NRP1: variants seen among roughly 807,000 people sequenced by gnomAD.
NRP1 encodes neuropilin-1.
In NRP1, 35 loss-of-function variants were observed where a neutral mutation model predicts 106.7. That is an observed-to-expected ratio of 0.33 (90% confidence interval 0.25 to 0.43). The LOEUF is 0.43. Ranked by LOEUF, NRP1 falls within the 20% of genes least tolerant of loss-of-function variation. NRP1 has a pLI of 1.00. For missense variants in NRP1, 1,024 were observed against 1,170.4 expected (o/e 0.87, Z 1.83); for synonymous variants, 437 against 417.9 (o/e 1.05, Z -0.56).
chr10:33,323,171 C>T (rs767484404), intron 2 of NRP1, among the ~76,000 whole-genome samples: 3 of 151,980 alleles, frequency 2.0e-5, no homozygotes, highest in Non-Finnish European at 4.4e-5. Flanking sequence ...AGTTCGAGAC[C>T]AGCCTGGGCA....
intron 6 of NRP1, among the ~76,000 whole-genome samples, chr10:33,250,006 A>T (rs546137944): frequency 1.1e-4 from 16 of 152,312 alleles, no homozygotes; most frequent in African/African-American, 3.6e-4. Flanking sequence ...TATTAATTTA[A>T]CACATGCAAG....
intron 2 of NRP1, among the ~76,000 whole-genome samples, chr10:33,322,945 G>A (rs549489009): frequency 3.3e-5 from 5 of 152,314 alleles, no homozygotes; most frequent in East Asian, 1.9e-4. Flanking sequence ...GATTTGTGAC[G>A]CAGCAACTAT....
intron 2 of NRP1, 101 bp from the exon 3 acceptor site, chr10:33,270,957 G>GA (rs925904573): frequency 4.4e-5 from 45 of 1,018,300 alleles, no homozygotes; most frequent in African/African-American, 3.1e-4. Context: ...GTGCCAGGAA[G>GA]AAAAAAAAGT....
At chr10:33,286,290 A>G (rs1224294436) in intron 2 of NRP1, among the ~76,000 whole-genome samples, 1 of 152,202 alleles carries the variant, frequency 6.6e-6, no homozygotes, top group East Asian at 1.9e-4. Flanking sequence ...GCATGTAAGT[A>G]TTTCACAGGC....
intron 2 of NRP1, among the ~76,000 whole-genome samples, chr10:33,314,097 A>G (rs572936884): frequency 7.7e-5 from 8 of 104,242 alleles, no homozygotes; most frequent in Non-Finnish European, 1.1e-4. Context: ...CTCTCTCTCT[A>G]TTTTCAGAGG....
chr10:33,330,409 G>GAAAGA (rs1489382058), intron 2 of NRP1, among the ~76,000 whole-genome samples: 1 of 148,800 alleles, frequency 6.7e-6, no homozygotes, highest in Non-Finnish European at 1.5e-5. Context: ...AAAAAAAAAA[G>GAAAGA]AAAGAAAAAA....
At chr10:33,213,844 G>T in intron 8 of NRP1, 127 bp from the exon 9 acceptor site, 1 of 771,150 alleles carries the variant, frequency 1.3e-6, no homozygotes, top group Non-Finnish European at 2.0e-6. Context: ...TTCAGTCTCT[G>T]GATTATTTTA....
intron 6 of NRP1, among the ~76,000 whole-genome samples, chr10:33,247,268 A>G (rs1250482005): frequency 1.3e-5 from 2 of 152,188 alleles, no homozygotes; most frequent in Non-Finnish European, 2.9e-5. Context: ...CAGAGGAAAT[A>G]TTTCCAAGGG....
chr10:33,319,065 C>T (rs1339388228), intron 2 of NRP1, among the ~76,000 whole-genome samples: 1 of 140,406 alleles, frequency 7.1e-6, no homozygotes, highest in African/African-American at 2.7e-5. Flanking sequence ...AGTGCAGTGG[C>T]ACGATATCAG....
intron 4 of NRP1, among the ~76,000 whole-genome samples, chr10:33,261,574 G>A (rs1038725489): frequency 6.6e-6 from 1 of 152,106 alleles, no homozygotes; most frequent in African/African-American, 2.4e-5. Flanking sequence ...GAGCAAAGAA[G>A]ATATTAAACT....
intron 10 of NRP1, chr10:33,206,333 C>T (rs1268819289): frequency 1.9e-6 from 1 of 518,978 alleles, no homozygotes; most frequent in Admixed American, 1.9e-5. Flanking sequence ...CATGGACATT[C>T]TTGGTCTGTG....
chr10:33,224,438 T>C (rs1839498317), intron 7 of NRP1, among the ~76,000 whole-genome samples: 1 of 152,192 alleles, frequency 6.6e-6, no homozygotes, highest in Admixed American at 6.5e-5. Context: ...GTTGCTATTT[T>C]CTTTCATCCC....
chr10:33,299,984 G>A (rs1481040490), intron 2 of NRP1, among the ~76,000 whole-genome samples: 1 of 152,116 alleles, frequency 6.6e-6, no homozygotes, highest in Admixed American at 6.5e-5. Context: ...AAAGCCACTC[G>A]AAAAAGTTCA....
At chr10:33,219,119 C>T (rs896689153) in intron 8 of NRP1, among the ~76,000 whole-genome samples, 3 of 152,150 alleles carry the variant, frequency 2.0e-5, no homozygotes, top group Non-Finnish European at 2.9e-5. Flanking sequence ...GGGGCATATG[C>T]TAGGTTCAAT....
intron 2 of NRP1, among the ~76,000 whole-genome samples, chr10:33,323,507 T>C (rs572628857): frequency 3.3e-5 from 5 of 152,224 alleles, no homozygotes; most frequent in African/African-American, 1.2e-4. Context: ...ATGAATGTGC[T>C]TCACTTCCTA....
At chr10:33,295,030 T>C (rs888359059) in intron 2 of NRP1, among the ~76,000 whole-genome samples, 1 of 152,220 alleles carries the variant, frequency 6.6e-6, no homozygotes, top group Non-Finnish European at 1.5e-5. Flanking sequence ...TTAAAAATCT[T>C]AGATTTTCAT....
At chr10:33,279,679 G>T (rs1041599231) in intron 2 of NRP1, among the ~76,000 whole-genome samples, 1 of 152,144 alleles carries the variant, frequency 6.6e-6, no homozygotes, top group African/African-American at 2.4e-5. Flanking sequence ...GTGGATATGA[G>T]GGGCTGCGGA....
intron 8 of NRP1, among the ~76,000 whole-genome samples, chr10:33,216,192 C>T (rs1350990004): frequency 7.1e-6 from 1 of 141,280 alleles, no homozygotes; most frequent in East Asian, 2.1e-4. Flanking sequence ...GGCTGGAGTG[C>T]AGTGGGGCGA....
At chr10:33,333,066 A>G (rs1848399663) in intron 1 of NRP1, among the ~76,000 whole-genome samples, 1 of 152,212 alleles carries the variant, frequency 6.6e-6, no homozygotes, top group African/African-American at 2.4e-5. Flanking sequence ...CAGTTGGACG[A>G]GAATGCTATT....
Sources: gnomAD v4.1 joint callset for allele counts (sites outside exome capture counted in the v4.1 genomes callset) on GRCh38, gnomAD v4.1.1 for gene constraint, MANE v1.5 for transcripts, NCBI Gene and HGNC (gene_info 2026-07-23, HGNC 2026-07-21) for gene names.